The following RBFOX1 variants were observed in gnomAD, a reference collection of about 807,000 sequenced individuals.
RBFOX1 encodes RNA binding fox-1 homolog 1.
RBFOX1 carries 8 observed loss-of-function variants against 57.7 expected under a neutral mutation model. That is an observed-to-expected ratio of 0.14 (90% CI 0.08 to 0.25). The LOEUF (loss-of-function observed/expected upper bound fraction) is 0.25. RBFOX1 is among the 10% of genes least tolerant of loss of function. RBFOX1 has a pLI of 1.00. For synonymous variants in RBFOX1, 326 were observed against 222.4 expected, an observed-to-expected ratio of 1.47 and a Z score of -4.15; for missense variants, 611 against 548.5, an observed-to-expected ratio of 1.11 and a Z score of -1.14.
At chr16:5,880,673 C>T (rs1309733035) in intron 4 of RBFOX1, among the ~76,000 whole-genome samples, 1 of 152,096 alleles carries the variant, frequency 6.6e-6, no homozygotes, top group Non-Finnish European at 1.5e-5. Flanking sequence ...GATTGTGGAT[C>T]CTGCAGATCC....
intron 3 of RBFOX1, among the ~76,000 whole-genome samples, chr16:5,756,304 T>G (rs577305235): frequency 2.6e-4 from 38 of 144,822 alleles, no homozygotes; most frequent in African/African-American, 9.3e-4. Flanking sequence ...GGTTGTAGTG[T>G]GGTGTGATAA....
chr16:6,942,797 C>G (rs534063288), intron 3 of RBFOX1, among the ~76,000 whole-genome samples: 2 of 152,206 alleles, frequency 1.3e-5, no homozygotes, highest in African/African-American at 4.8e-5. Flanking sequence ...TATATTGTCT[C>G]CAAGTCATTC....
At position 7,676,755 on chromosome 16, in the gene RBFOX1, A is replaced by G. The variant is rs2302213; in HGVS notation, c.931-19A>G. On this transcript the variant is annotated intron_variant, in intron 13 of 15. Transcript: ENST00000550418. ...GGGCTCCGCTACATTCCTGAGTCAC[A>G]TTTCTCCTTGTGTTTTAGGGTGGTT... 0.13 allele frequency: 210,074 copies of G among 1,605,492 alleles called. 14,493 individuals are homozygous for G. Among genetic ancestry groups the G allele is most frequent in the Middle Eastern group, 0.17 (894 of 5,354 alleles).
chr16:5,641,004 C>T (rs1236269277), intron 3 of RBFOX1, among the ~76,000 whole-genome samples: 1 of 151,770 alleles, frequency 6.6e-6, no homozygotes, highest in African/African-American at 2.4e-5. Flanking sequence ...TACATATGCA[C>T]ACACATACAT....
intron 2 of RBFOX1, among the ~76,000 whole-genome samples, chr16:5,501,318 C>CA (rs1160788118): frequency 0.02 from 1,269 of 64,844 alleles, 34 homozygotes; most frequent in South Asian, 0.033. Context: ...ACTCTGTCTA[C>CA]AAAAAAAAAA....
At chr16:7,115,985 C>T (rs544964842) in intron 4 of RBFOX1, among the ~76,000 whole-genome samples, 71 of 152,118 alleles carry the variant, frequency 4.7e-4, no homozygotes, top group Admixed American at 1.3e-3. Flanking sequence ...AATGAAAGCT[C>T]ACATATATGG....
chr16:6,512,200 C>G (rs1331048666), intron 2 of RBFOX1, among the ~76,000 whole-genome samples: 1 of 145,548 alleles, frequency 6.9e-6, no homozygotes, highest in African/African-American at 2.5e-5. Context: ...CGTAGGATTG[C>G]TTGAGCCCAG....
At chr16:7,209,920 C>T (rs964407374) in intron 4 of RBFOX1, among the ~76,000 whole-genome samples, 1 of 152,146 alleles carries the variant, frequency 6.6e-6, no homozygotes, top group Non-Finnish European at 1.5e-5. Flanking sequence ...CATGATGCAC[C>T]ATAGAGTTGA....
In RBFOX1 at chr16:6,629,904, T is replaced by G. The variant is rs79790383; in HGVS notation, c.-63-24699T>G. 8.7e-4 allele frequency among the ~76,000 whole-genome samples: 133 copies of G among 152,008 alleles called. 1 individual carries two copies. In the East Asian group the frequency reaches 0.02, roughly 23 times the overall value. On this transcript the variant is annotated intron_variant, in intron 2 of 15. Transcript: ENST00000550418. ...TTATGAAGGACCTGGACTAACTCAT[T>G]TTAATGACCTCTGCTACATAAATGC...
chr16:7,492,011 C>CT (rs2151554839), intron 4 of RBFOX1, among the ~76,000 whole-genome samples: 1 of 152,270 alleles, frequency 6.6e-6, no homozygotes, highest in African/African-American at 2.4e-5. Context: ...ACTCAGCCTA[C>CT]TTTGTTCACA....
chr16:6,210,507 A>T (rs1336495003), intron 1 of RBFOX1, among the ~76,000 whole-genome samples: 1 of 152,036 alleles, frequency 6.6e-6, no homozygotes, highest in Non-Finnish European at 1.5e-5. Context: ...AGACAAGAGG[A>T]TCACTTGAGC....
At chr16:5,639,143 C>G (rs972433519) in intron 3 of RBFOX1, among the ~76,000 whole-genome samples, 1 of 152,194 alleles carries the variant, frequency 6.6e-6, no homozygotes, top group African/African-American at 2.4e-5. Flanking sequence ...TCCTGCGGTA[C>G]AATACAGTTT....
chr16:6,702,294 C>G (rs1313556522), intron 3 of RBFOX1, among the ~76,000 whole-genome samples: 1 of 152,172 alleles, frequency 6.6e-6, no homozygotes, highest in African/African-American at 2.4e-5. Context: ...TGGCTCATGC[C>G]TGTAAACCCA....
intron 1 of RBFOX1, among the ~76,000 whole-genome samples, chr16:5,350,721 C>G (rs574419885): frequency 6.6e-6 from 1 of 152,228 alleles, no homozygotes; most frequent in East Asian, 1.9e-4. Context: ...CAAAAAATAG[C>G]CAGGCATGGT....
rs1336928692 is a variant in RBFOX1, at chr16:6,714,994, G to T, written c.-16+60344G>T. ...GTTAAGCCTCGAAGATGGGTAAGGT[G>T]GTCACAGGAGTTGGAGGTCTAGGAA... is the stretch of plus-strand genomic sequence containing the variant. On this transcript the variant is annotated intron_variant, in intron 3 of 15. Transcript: ENST00000550418. 5.9e-5 allele frequency among the ~76,000 whole-genome samples: 9 copies of T among 152,114 alleles called. No individual in the cohort carries two copies. The East Asian group carries it at 1.7e-3, about 29-fold the overall frequency.
At chr16:6,284,764 G>A (rs2076729507) in intron 1 of RBFOX1, among the ~76,000 whole-genome samples, 3 of 152,148 alleles carry the variant, frequency 2.0e-5, no homozygotes, top group Non-Finnish European at 2.9e-5. Context: ...TCCCTTCTCA[G>A]TCATTGGTAT....
intron 9 of RBFOX1, among the ~76,000 whole-genome samples, chr16:7,606,384 G>T (rs2095287165): frequency 6.6e-6 from 1 of 152,118 alleles, no homozygotes; most frequent in Non-Finnish European, 1.5e-5. Context: ...GCCTCCCAAA[G>T]TGTTGGGACT....
intron 3 of RBFOX1, among the ~76,000 whole-genome samples, chr16:5,777,562 A>C (rs1320017761): frequency 6.6e-6 from 1 of 152,186 alleles, no homozygotes; most frequent in Non-Finnish European, 1.5e-5. Flanking sequence ...CAGCATTGTC[A>C]CTTACTCCTT....
At chr16:6,238,495 C>T (rs938414419) in intron 1 of RBFOX1, among the ~76,000 whole-genome samples, 9 of 152,152 alleles carry the variant, frequency 5.9e-5, no homozygotes, top group African/African-American at 1.7e-4. Flanking sequence ...TATGGTACTT[C>T]GCTGTGGTTT....
Sources: gnomAD v4.1 joint callset for allele counts (sites outside exome capture counted in the v4.1 genomes callset) on GRCh38, gnomAD v4.1.1 for gene constraint, MANE v1.5 for transcripts, NCBI Gene and HGNC (gene_info 2026-07-23, HGNC 2026-07-21) for gene names.